Variants in TENM2 observed in about 807,000 individuals in gnomAD.
The protein encoded by TENM2 is teneurin transmembrane protein 2.
TENM2 carries 52 observed loss-of-function variants against 245.2 expected under a neutral mutation model. The ratio of observed to expected loss-of-function variants is 0.21; its 90% CI spans 0.17 to 0.27. The LOEUF (loss-of-function observed/expected upper bound fraction) is 0.27. Ranked by LOEUF, TENM2 falls within the 10% of genes least tolerant of loss-of-function variation. The pLI, the probability that TENM2 is intolerant of heterozygous loss-of-function variation, is 1.00. For missense variants in TENM2, 3,046 were observed against 3,666.8 expected (o/e 0.83, Z 4.37); for synonymous variants, 1,363 against 1,438.9 (o/e 0.95, Z 1.19).
At chr5:168,006,473 A>G (rs1289016464) in intron 5 of TENM2, among the ~76,000 whole-genome samples, 1 of 152,236 alleles carries the variant, frequency 6.6e-6, no homozygotes, top group Non-Finnish European at 1.5e-5. Flanking sequence ...TAACACTGCC[A>G]TGCTTTCACC....
At chr5:167,260,633 A>G in the TENM2 span, among the ~76,000 whole-genome samples, 1 of 152,206 alleles carries the variant, frequency 6.6e-6, no homozygotes, top group South Asian at 2.1e-4. Context: ...AATTCAATCA[A>G]TGCTTGTGGA....
intron 3 of TENM2, among the ~76,000 whole-genome samples, chr5:167,950,872 A>G (rs186806376): frequency 6.6e-6 from 1 of 152,372 alleles, no homozygotes; most frequent in Non-Finnish European, 1.5e-5. Flanking sequence ...ATAATGTAAA[A>G]TAGGAATTAC....
chr5:167,459,935 C>T (rs183415796), intron 2 of TENM2, among the ~76,000 whole-genome samples: 64 of 151,252 alleles, frequency 4.2e-4, no homozygotes, highest in African/African-American at 1.4e-3. Flanking sequence ...CACACACACA[C>T]GCACACACAC....
At chr5:167,517,787 A>T (rs1033888955) in intron 2 of TENM2, among the ~76,000 whole-genome samples, 4 of 152,160 alleles carry the variant, frequency 2.6e-5, no homozygotes, top group Non-Finnish European at 5.9e-5. Context: ...CATTCAACCT[A>T]GCAGTCAACT....
chr5:168,168,293 G>T (rs1758486302), intron 13 of TENM2, among the ~76,000 whole-genome samples: 1 of 152,174 alleles, frequency 6.6e-6, no homozygotes, highest in African/African-American at 2.4e-5. Context: ...ATGTCATAGT[G>T]CTTATACCCC....
intron 1 of TENM2, among the ~76,000 whole-genome samples, chr5:167,304,380 T>C (rs925058565): frequency 2.0e-5 from 3 of 152,238 alleles, no homozygotes; most frequent in Admixed American, 6.5e-5. Flanking sequence ...AGTAAACTAC[T>C]TGTTCACAGC....
chr5:167,919,392 G>C lies in TENM2; in HGVS notation c.713-33196G>C, dbSNP rs183755486. Among the ~76,000 whole-genome samples the C allele has an allele frequency of 2.0e-3, 302 of 152,312 alleles. 10 individuals carry two copies. Among genetic ancestry groups the C allele is most frequent in the Non-Finnish European group, 2.8e-4 (19 of 68,024 alleles). The stretch of plus-strand genomic sequence containing the variant: ...ATGCAGAAACCGCTGAATGCAGCTT[G>C]ACTGGTTTTGATGAAAGTAATGGAA... On this transcript the variant is annotated intron_variant, in intron 3 of 28. Coordinates refer to ENST00000518659, the Ensembl canonical transcript of TENM2.
chr5:167,641,482 G>A (rs1469947958), intron 2 of TENM2, among the ~76,000 whole-genome samples: 3 of 152,082 alleles, frequency 2.0e-5, no homozygotes, highest in Non-Finnish European at 2.9e-5. Context: ...ACCACATTTG[G>A]TTTTTGTGAA....
At chr5:168,260,214 CTT>C (rs1258775004) in intron 27 of TENM2, 67 bp from the exon 30 acceptor site, 1 of 1,574,640 alleles carries the variant, frequency 6.4e-7, no homozygotes, top group African/African-American at 1.3e-5. Flanking sequence ...TTTGTTCTCT[CTT>C]TAAGCTCTGC....
At chr5:167,864,925 T>C (rs1772172164) in intron 2 of TENM2, among the ~76,000 whole-genome samples, 1 of 152,184 alleles carries the variant, frequency 6.6e-6, no homozygotes, top group Admixed American at 6.5e-5. Context: ...GAAGTGAACA[T>C]AAAAATGAGT....
Position 167,887,967 on chromosome 5 carries a change from C to T in TENM2, c.712+11772C>T, listed in dbSNP as rs549087741. On this transcript the variant is annotated intron_variant, in intron 3 of 28. Coordinates refer to ENST00000518659, the Ensembl canonical transcript of TENM2. ...GCATAACTCCAGTCCCTGCCTCCAC[C>T]TTCTAATGGCCCTCTTCTCCCTGCG... Among the ~76,000 whole-genome samples, 5 of 152,286 alleles carry T rather than the reference C, an allele frequency of 3.3e-5. No individual in the cohort carries two copies. In the South Asian group the frequency reaches 1.0e-3, roughly 32 times the overall value.
At chr5:167,799,022 G>A (rs998704222) in intron 2 of TENM2, among the ~76,000 whole-genome samples, 3 of 152,164 alleles carry the variant, frequency 2.0e-5, no homozygotes, top group Admixed American at 6.5e-5. Flanking sequence ...CAGCGCCCAG[G>A]TGGCCTGGGA....
the TENM2 span, among the ~76,000 whole-genome samples, chr5:167,274,390 T>G: frequency 3.9e-5 from 6 of 152,144 alleles, no homozygotes; most frequent in African/African-American, 1.4e-4. Context: ...CCATAGTTTG[T>G]TTAACTAGTC....
chr5:168,078,260 CT>C (rs1223166351), intron 7 of TENM2, among the ~76,000 whole-genome samples: 2 of 152,130 alleles, frequency 1.3e-5, no homozygotes, highest in Admixed American at 1.3e-4. Context: ...CCTTTGCCCA[CT>C]TTTTGATGGG....
chr5:167,812,061 A>T (rs1766684198), intron 2 of TENM2, among the ~76,000 whole-genome samples: 2 of 152,198 alleles, frequency 1.3e-5, no homozygotes, highest in African/African-American at 4.8e-5. Context: ...ATGGATAAGA[A>T]TTATACCCAA....
At chr5:167,492,094 G>A (rs893020755) in intron 2 of TENM2, among the ~76,000 whole-genome samples, 1 of 152,152 alleles carries the variant, frequency 6.6e-6, no homozygotes, top group Non-Finnish European at 1.5e-5. Context: ...GAGCAAGAGA[G>A]AAGTTGTTGA....
At chr5:167,481,473 A>C (rs1356443407) in intron 2 of TENM2, among the ~76,000 whole-genome samples, 1 of 152,236 alleles carries the variant, frequency 6.6e-6, no homozygotes, top group Admixed American at 6.5e-5. Flanking sequence ...CCACGCCATT[A>C]GCATTGTCTA....
intron 2 of TENM2, among the ~76,000 whole-genome samples, chr5:167,603,218 A>G (rs1776768079): frequency 6.6e-6 from 1 of 152,162 alleles, no homozygotes; most frequent in African/African-American, 2.4e-5. Context: ...GGTTTCCTAA[A>G]TTCCATTAGA....
At chr5:167,347,140 A>AG (rs1028866436) in intron 1 of TENM2, among the ~76,000 whole-genome samples, 8 of 149,900 alleles carry the variant, frequency 5.3e-5, no homozygotes, top group Admixed American at 3.3e-4. Flanking sequence ...GAATTACAAG[A>AG]GAAAAAAAAA....
Sources: allele counts gnomAD v4.1 joint callset (sites outside exome capture counted in the v4.1 genomes callset), GRCh38; gene constraint gnomAD v4.1.1; transcripts MANE v1.5; gene names NCBI Gene and HGNC (gene_info 2026-07-23, HGNC 2026-07-21).